Variants in GP6 observed in about 807,000 individuals in gnomAD.
GP6 encodes the protein glycoprotein VI platelet, also known as platelet glycoprotein VI.
A neutral mutation model predicts 37.3 loss-of-function variants in GP6; 45 were observed. The observed-to-expected ratio is 1.21, with a 90% CI of 0.95 to 1.55. GP6 has a LOEUF of 1.55. GP6 is among the 40% of genes most tolerant of loss of function. The pLI, the probability that GP6 is intolerant of heterozygous loss-of-function variation, is 0.00. For synonymous variants in GP6, 340 were observed against 316.4 expected (o/e 1.07, Z -0.79); for missense variants, 813 against 760.2 (o/e 1.07, Z -0.82).
chr19:55,018,399 C>A (rs750354812), intron 6 of GP6, among the ~76,000 whole-genome samples: 1 of 152,192 alleles, frequency 6.6e-6, no homozygotes, highest in African/African-American at 2.4e-5. Context: ...GGGAGCAGTG[C>A]GTAGGGATGG....
intron 3 of GP6, among the ~76,000 whole-genome samples, chr19:55,031,448 A>G (rs1462877809): frequency 6.6e-6 from 1 of 152,022 alleles, no homozygotes; most frequent in African/African-American, 2.4e-5. Context: ...CCCCATCGCT[A>G]ATTTTTTTAA....
chr19:55,015,227 C>A, intron 7 of GP6, 62 bp from the exon 8 acceptor site: 4 of 1,549,858 alleles, frequency 2.6e-6, no homozygotes, highest in Non-Finnish European at 2.6e-6. Context: ...CCCCTCCAAG[C>A]CACATCTGGG....
At chr19:55,019,802 C>T (rs558714840) in intron 5 of GP6, among the ~76,000 whole-genome samples, 14 of 151,720 alleles carry the variant, frequency 9.2e-5, no homozygotes, top group Non-Finnish European at 1.9e-4. Flanking sequence ...CTCAGCCTCC[C>T]GAGTAGCTGG....
chr19:55,015,604 C>T (rs1478163392), intron 7 of GP6, 79 bp downstream of exon 7: 2 of 857,396 alleles, frequency 2.3e-6, no homozygotes, highest in East Asian at 2.4e-5. Context: ...GAGCTGCAGC[C>T]CCTGCGTAGA....
At chr19:55,017,727 G>A in intron 6 of GP6, among the ~76,000 whole-genome samples, 1 of 152,060 alleles carries the variant, frequency 6.6e-6, no homozygotes. Flanking sequence ...GCATCCTGAG[G>A]GTGATTGGGA....
Position 55,033,217 on chromosome 19 carries a change from C to A in GP6, c.35-679G>T, listed in dbSNP as rs73932278. ...GGACTCCTTCGTGTTGTGTTAGACA[C>A]GGTGGACTCGTTCGTGTTAGACACG... is the stretch of plus-strand genomic sequence containing the variant. On this transcript the variant is annotated intron_variant, in intron 1 of 7. Coordinates refer to ENST00000310373, the MANE Select transcript of GP6 (RefSeq NM_001083899.2). Among the ~76,000 whole-genome samples the A allele has an allele frequency of 2.2e-3, 139 of 64,166 alleles. 21 individuals are homozygous for A. The highest frequency in any genetic ancestry group is 9.0e-3 in the African/African-American group (137 of 15,150). 42.1% of individuals were successfully genotyped at this position (64,166 alleles called of 152,430 possible). A position where few individuals can be genotyped will look rare whatever the true frequency, so the allele number is the denominator to read the frequency against.
chr19:55,032,220 G>C lies in GP6; in HGVS notation c.244C>G (p.Leu82Val). ...TAGGAGCAGCGGTAGCGTCCAGCCA[G>C]ACTTCTCTTCATGGCCGGGATGAAG... The change falls in exon 3 of 8, where the codon CTG becomes GTG. Residue 82 changes from leucine to valine, a missense_variant. Coordinates refer to ENST00000310373, the MANE Select transcript of GP6 (RefSeq NM_001083899.2). The C allele has an allele frequency of 6.2e-7, 1 of 1,614,086 alleles. No homozygotes were observed. Among genetic ancestry groups the C allele is most frequent in the Non-Finnish European group, 8.5e-7 (1 of 1,179,960 alleles).
At position 55,015,157 on chromosome 19, in the gene GP6, G is replaced by C. The variant is rs540599440; in HGVS notation, c.788C>G (p.Pro263Arg). The change falls in exon 8 of 8, where the codon CCG becomes CGG. Residue 263 changes from proline to arginine, a missense_variant. Pro to Arg is a moderately radical substitution (Grantham distance 103, BLOSUM62 -2). Transcript: ENST00000310373. Reference sequence around the variant, plus strand: ...AGGTTGCCCTTGGTGTAGTACTGGCGGGCAGGACCTGGAGGAATGAGGAGA... The same window carrying C: ...AGGTTGCCCTTGGTGTAGTACTGGCCGGCAGGACCTGGAGGAATGAGGAGA... The C allele has an allele frequency of 6.4e-7, 1 of 1,560,216 alleles. No homozygotes were observed. Among genetic ancestry groups the C allele is most frequent in the South Asian group, 1.2e-5 (1 of 84,830 alleles).
At chr19:55,032,432 A>AGACCCCGCCTG (rs762938065) in intron 2 of GP6, 36 bp from the exon 3 acceptor site, 15 of 1,611,682 alleles carry the variant, frequency 9.3e-6, no homozygotes, top group Non-Finnish European at 1.3e-5. Context: ...GCCTCCCCGC[A>AGACCCCGCCTG]GACCCCGCCT....
At chr19:55,017,372 A>C (rs1457443593) in intron 6 of GP6, among the ~76,000 whole-genome samples, 1 of 152,118 alleles carries the variant, frequency 6.6e-6, no homozygotes, top group Non-Finnish European at 1.5e-5. Flanking sequence ...TGGCCTCCCA[A>C]AGTGCTGGGA....
intron 1 of GP6, among the ~76,000 whole-genome samples, chr19:55,037,622 C>CTTT (rs1200449738): frequency 2.1e-5 from 2 of 96,216 alleles, no homozygotes; most frequent in African/African-American, 3.9e-5. Flanking sequence ...TGGCACTCAG[C>CTTT]CTTTTTTTTT....
chr19:55,014,388 G>C lies in GP6; in HGVS notation c.1557C>G (p.Phe519Leu). 1.2e-6 allele frequency: 2 copies of C among 1,613,670 alleles called. No homozygotes were observed. The highest frequency in any genetic ancestry group is 1.7e-6 in the Non-Finnish European group (2 of 1,179,600). The change falls in exon 8 of 8, where the codon TTC becomes TTG. Residue 519 changes from phenylalanine to leucine, a missense_variant. Transcript: ENST00000310373. The stretch of plus-strand genomic sequence containing the variant: ...GTGCTAGTTTTACACTAAGGAAAAT[G>C]AATGACATACCCAAACTGCCTGCAA...
At position 55,013,821 on chromosome 19, in the gene GP6, G is replaced by T; in HGVS notation, c.*261C>A. 1 of 336,152 alleles carries T rather than the reference G, an allele frequency of 3.0e-6. No homozygotes were observed. Among genetic ancestry groups the T allele is most frequent in the South Asian group, 2.5e-5 (1 of 40,486 alleles). 20.8% of individuals were successfully genotyped at this position (336,152 alleles called of 1,614,324 possible). ...TCCTCCTGCCTTGGCCTCCCACAGT[G>T]CTAGGATTACAGACATGATCCACTG... On this transcript the variant is annotated 3_prime_UTR_variant, in exon 8 of 8. Transcript: ENST00000310373.
intron 5 of GP6, among the ~76,000 whole-genome samples, chr19:55,024,358 A>ATG (rs1568613593): frequency 9.2e-5 from 7 of 76,290 alleles, no homozygotes; most frequent in East Asian, 7.8e-4. Context: ...GCACGCACAC[A>ATG]CACATATGCA....
Position 55,014,969 on chromosome 19 carries a change from AC to A in GP6, c.975del (p.Ser326GlnfsTer16). On this transcript the variant is annotated frameshift_variant, in exon 8 of 8. Coordinates refer to ENST00000310373, the MANE Select transcript of GP6 (RefSeq NM_001083899.2). LOFTEE classifies it low-confidence loss of function (END_TRUNC). ...GAACATCCTGTCGGCCTCCATCCTGACCCCCGTTTGATTTCCGGGTCAGCGG... is the reference window on the plus strand; with the variant it reads ...GAACATCCTGTCGGCCTCCATCCTGACCCCGTTTGATTTCCGGGTCAGCGG... 6.3e-7 allele frequency: 1 copy of A among 1,596,612 alleles called. No homozygotes were observed. Among genetic ancestry groups the A allele is most frequent in the African/African-American group, 1.4e-5 (1 of 73,848 alleles).
rs200403102 is a variant in GP6, at chr19:55,032,281, C to A, written c.183G>T (p.Lys61Asn). Residue 61 changes from lysine to asparagine, a missense_variant, in exon 3 of 8, where the codon AAG (lysine) becomes AAT (asparagine). Coordinates refer to ENST00000310373, the MANE Select transcript of GP6 (RefSeq NM_001083899.2). ...GATCCTGGTACCTGCTGGAACTCAG[C>A]TTCTCCAGGCGGTACAGGTCCACGC... The A allele has an allele frequency of 9.3e-6, 15 of 1,614,092 alleles. No individual in the cohort carries two copies. The Admixed American group carries it at 1.3e-4, about 14-fold the overall frequency.
At position 55,015,069 on chromosome 19, in the gene GP6, C is replaced by T; in HGVS notation, c.876G>A (p.Leu292=). ...CCGCAGGCGCTTCCTCCGGCTGTGCCAGTCCTCTGCCAGAAACCCCGCCAG... is the reference window on the plus strand; with the variant it reads ...CCGCAGGCGCTTCCTCCGGCTGTGCTAGTCCTCTGCCAGAAACCCCGCCAG... Residue 292 remains leucine (L), a synonymous_variant, in exon 8 of 8, where the codon CTG becomes CTA. Coordinates refer to ENST00000310373, the MANE Select transcript of GP6 (RefSeq NM_001083899.2). 5.0e-6 allele frequency: 8 copies of T among 1,604,996 alleles called. No homozygotes were observed. Among genetic ancestry groups the T allele is most frequent in the Non-Finnish European group, 6.8e-6 (8 of 1,176,284 alleles).
In GP6 at chr19:55,027,826, C is replaced by T. The variant is rs1356700683; in HGVS notation, c.362G>A (p.Gly121Asp). 6.2e-7 allele frequency: 1 copy of T among 1,614,148 alleles called. No individual in the cohort carries two copies. The highest frequency in any genetic ancestry group is 8.5e-7 in the Non-Finnish European group (1 of 1,180,002). The change falls in exon 4 of 8, where the codon GGC (glycine) becomes GAC (aspartate). Residue 121 changes from glycine (G) to aspartate (D), a missense_variant. Gly to Asp is a moderately conservative substitution (Grantham distance 94). Transcript: ENST00000310373. ...GTCCCCTCCTGACGACACCGCCGGGCCGGGCTGGGCTGAGAGCGAGGGTTT... is the reference window on the plus strand; with the variant it reads ...GTCCCCTCCTGACGACACCGCCGGGTCGGGCTGGGCTGAGAGCGAGGGTTT...
At chr19:55,034,674 T>C (rs2074759164) in intron 1 of GP6, among the ~76,000 whole-genome samples, 1 of 151,716 alleles carries the variant, frequency 6.6e-6, no homozygotes, top group Non-Finnish European at 1.5e-5. Context: ...GAAATTCCAA[T>C]TTAACCAGGC....
Sources: gnomAD v4.1 joint callset for allele counts (sites outside exome capture counted in the v4.1 genomes callset) on GRCh38, gnomAD v4.1.1 for gene constraint, MANE v1.5 for transcripts, NCBI Gene and HGNC (gene_info 2026-07-23, HGNC 2026-07-21) for gene names.